CREB5: variants seen among roughly 807,000 people sequenced by gnomAD.
CREB5 encodes the protein cAMP responsive element binding protein 5.
In CREB5, 19 loss-of-function variants were observed where a neutral mutation model predicts 57.1. That is an observed-to-expected ratio of 0.33 (90% CI 0.23 to 0.49). The LOEUF (loss-of-function observed/expected upper bound fraction) is 0.49, where lower values mean the gene tolerates loss of function less well. CREB5 is among the 20% of genes least tolerant of loss of function. CREB5 has a pLI of 0.99. For synonymous variants in CREB5, 238 were observed against 238.3 expected (o/e 1.00, Z 0.01); for missense variants, 579 against 671.6 (o/e 0.86, Z 1.52).
intron 1 of CREB5, among the ~76,000 whole-genome samples, chr7:28,405,068 G>A (rs1204885213): frequency 1.3e-5 from 2 of 152,188 alleles, no homozygotes; most frequent in Admixed American, 6.5e-5. Context: ...CAAATGCTTG[G>A]TAAATGTTAG....
intron 5 of CREB5, among the ~76,000 whole-genome samples, chr7:28,607,324 GAA>G (rs1288914620): frequency 6.6e-6 from 1 of 152,148 alleles, no homozygotes; most frequent in Non-Finnish European, 1.5e-5. Flanking sequence ...AATGCAAGGA[GAA>G]ATAGGAAGAG....
intron 4 of CREB5, among the ~76,000 whole-genome samples, chr7:28,527,105 T>A (rs1204960942): frequency 6.6e-6 from 1 of 152,188 alleles, no homozygotes; most frequent in Admixed American, 6.5e-5. Context: ...CACCCTTTAG[T>A]GAAAACCTGG....
rs1351059273 is a variant in CREB5 at position 28,456,462 on chromosome 7, T to C, written c.4-31713T>C. Among the ~76,000 whole-genome samples the C allele has an allele frequency of 2.6e-5, 4 of 152,082 alleles. No individual in the cohort carries two copies. In the East Asian group the frequency reaches 7.7e-4, roughly 29 times the overall value. On this transcript the variant is annotated intron_variant, in intron 1 of 10. Coordinates refer to ENST00000357727, the MANE Select transcript of CREB5 (RefSeq NM_182898.4). Reference sequence around the variant, plus strand: ...GTGCTGTTTCGGATGCTCTCACTCATGGTTACGGACTAGGCATTGAAAGCC... The same window carrying C: ...GTGCTGTTTCGGATGCTCTCACTCACGGTTACGGACTAGGCATTGAAAGCC...
chr7:28,531,768 C>T (rs216713), intron 4 of CREB5, among the ~76,000 whole-genome samples: 62,263 of 151,938 alleles, frequency 0.41, 13,320 homozygotes, highest in Admixed American at 0.47. Context: ...TGGGGGCTCA[C>T]GCCTGTAATC....
At chr7:28,638,577 G>C (rs1798520313) in intron 5 of CREB5, among the ~76,000 whole-genome samples, 1 of 151,922 alleles carries the variant, frequency 6.6e-6, no homozygotes, top group South Asian at 2.1e-4. Context: ...GAATTCCTGG[G>C]CTCAAGACAT....
chr7:28,379,241 C>G (rs1218473392), intron 1 of CREB5, among the ~76,000 whole-genome samples: 1 of 152,164 alleles, frequency 6.6e-6, no homozygotes, highest in African/African-American at 2.4e-5. Context: ...TGCATTAAGT[C>G]AAAGGGTAAA....
chr7:28,784,561 G>A (rs1807198715), intron 7 of CREB5, among the ~76,000 whole-genome samples: 1 of 152,072 alleles, frequency 6.6e-6, no homozygotes, highest in Non-Finnish European at 1.5e-5. Context: ...AGTGAGTGGA[G>A]AAACGTATCT....
At chr7:28,776,337 CA>C (rs397720790) in intron 7 of CREB5, among the ~76,000 whole-genome samples, 56 of 114,432 alleles carry the variant, frequency 4.9e-4, no homozygotes, top group Non-Finnish European at 5.0e-4. Context: ...GACTCTGTCT[CA>C]AAAAAAAAAA....
chr7:28,447,093 C>G (rs1257980890), intron 1 of CREB5, among the ~76,000 whole-genome samples: 1 of 152,158 alleles, frequency 6.6e-6, no homozygotes, highest in African/African-American at 2.4e-5. Context: ...CACCACCTCC[C>G]CTCTAGAATT....
At chr7:28,588,743 C>T (rs916054473) in intron 5 of CREB5, among the ~76,000 whole-genome samples, 14 of 152,118 alleles carry the variant, frequency 9.2e-5, no homozygotes, top group Non-Finnish European at 1.3e-4. Flanking sequence ...ACACAATGTG[C>T]GGCGATGTTG....
chr7:28,526,677 G>A (rs1185221889), intron 4 of CREB5, among the ~76,000 whole-genome samples: 1 of 152,188 alleles, frequency 6.6e-6, no homozygotes, highest in Non-Finnish European at 1.5e-5. Flanking sequence ...CGAACTGCCT[G>A]GAAAAAGCAG....
At chr7:28,457,126 C>T (rs1790129091) in intron 1 of CREB5, among the ~76,000 whole-genome samples, 1 of 152,162 alleles carries the variant, frequency 6.6e-6, no homozygotes, top group Non-Finnish European at 1.5e-5. Context: ...TAGGAGCCCA[C>T]TCCCACGACC....
At chr7:28,573,030 C>T (rs1024008762) in intron 5 of CREB5, among the ~76,000 whole-genome samples, 8 of 152,146 alleles carry the variant, frequency 5.3e-5, no homozygotes, top group Admixed American at 4.6e-4. Flanking sequence ...CACATCTTGT[C>T]GTTTCCATTT....
chr7:28,686,234 T>C, intron 5 of CREB5: 1 of 1,568,628 alleles, frequency 6.4e-7, no homozygotes, highest in Non-Finnish European at 8.7e-7. Flanking sequence ...CTCCTGATTT[T>C]ATAGATTTTT....
At chr7:28,681,366 A>G (rs965962857) in intron 5 of CREB5, among the ~76,000 whole-genome samples, 2 of 152,024 alleles carry the variant, frequency 1.3e-5, no homozygotes, top group African/African-American at 4.8e-5. Flanking sequence ...ATTTATTACT[A>G]TTATTATCAT....
intron 7 of CREB5, among the ~76,000 whole-genome samples, chr7:28,797,153 T>G (rs546821894): frequency 6.6e-6 from 1 of 152,218 alleles, no homozygotes; most frequent in Admixed American, 6.5e-5. Flanking sequence ...GTCTCTGGGG[T>G]TTGGCTTTTT....
At chr7:28,483,100 A>G (rs1791401074) in intron 1 of CREB5, among the ~76,000 whole-genome samples, 1 of 152,220 alleles carries the variant, frequency 6.6e-6, no homozygotes, top group African/African-American at 2.4e-5. Flanking sequence ...CTCTGGGCTT[A>G]GTTGTTACCC....
intron 7 of CREB5, among the ~76,000 whole-genome samples, chr7:28,768,323 A>G (rs1046182633): frequency 1.3e-5 from 2 of 152,230 alleles, no homozygotes; most frequent in South Asian, 2.1e-4. Flanking sequence ...CTTACACCCA[A>G]TGCTTTCATC....
intron 7 of CREB5, among the ~76,000 whole-genome samples, chr7:28,796,809 A>G (rs1187969400): frequency 6.6e-6 from 1 of 152,208 alleles, no homozygotes; most frequent in Non-Finnish European, 1.5e-5. Context: ...ATGAAGGCAC[A>G]TGGCGCTAAG....
Sources: gnomAD v4.1 joint callset for allele counts (sites outside exome capture counted in the v4.1 genomes callset) on GRCh38, gnomAD v4.1.1 for gene constraint, MANE v1.5 for transcripts, NCBI Gene and HGNC (gene_info 2026-07-23, HGNC 2026-07-21) for gene names.